Variants in DMD observed in about 807,000 individuals in gnomAD.
DMD encodes dystrophin.
DMD carries 63 observed loss-of-function variants against 330.1 expected under a neutral mutation model. That is an observed-to-expected ratio of 0.19 (90% CI 0.16 to 0.24). The LOEUF (loss-of-function observed/expected upper bound fraction) is 0.24, where lower values mean the gene tolerates loss of function less well. Ranked by LOEUF, DMD falls within the 10% of genes least tolerant of loss-of-function variation. The pLI, the probability that DMD is intolerant of heterozygous loss-of-function variation, is 1.00. For missense variants in DMD, 3,344 were observed against 2,684.1 expected (o/e 1.25, Z -5.43); for synonymous variants, 1,223 against 959.8 (o/e 1.27, Z -5.07).
At chrX:32,930,953 CTATTA>C (rs1296650800) in intron 2 of DMD, among the ~76,000 whole-genome samples, 1 of 106,877 alleles carries the variant, frequency 9.4e-6, no homozygotes, top group Non-Finnish European at 1.9e-5. Context: ...ATATATTTTT[CTATTA>C]TATGATTCAT....
rs751074932 is a variant in DMD at position 31,562,174 on chromosome X, G to A, written c.8218-54721C>T. On this transcript the variant is annotated intron_variant, in intron 55 of 78. Transcript: ENST00000357033. ...TAGACTAAATAATAATTCATTCTGG[G>A]ATGCCCAAATAATTCCATAACATAT... 7.5e-4 allele frequency among the ~76,000 whole-genome samples: 84 copies of A among 112,071 alleles called. 1 individual carries two copies. Among genetic ancestry groups the A allele is most frequent in the Non-Finnish European group, 1.7e-4 (9 of 53,143 alleles).
intron 37 of DMD, among the ~76,000 whole-genome samples, chrX:32,353,039 C>T (rs190155717): frequency 2.3e-4 from 25 of 110,723 alleles, no homozygotes; most frequent in Middle Eastern, 4.6e-3. Context: ...AGTTTTAGAA[C>T]TACCTATATA....
chrX:33,109,643 T>C (rs1471346831), intron 1 of DMD, among the ~76,000 whole-genome samples: 1 of 111,845 alleles, frequency 8.9e-6, no homozygotes, highest in Non-Finnish European at 1.9e-5. Flanking sequence ...TAGCCAATTA[T>C]GGCCCACAGG....
chrX:33,306,236 A>G (rs906418429), intron 1 of DMD, among the ~76,000 whole-genome samples: 1 of 111,840 alleles, frequency 8.9e-6, no homozygotes, highest in African/African-American at 3.2e-5. Flanking sequence ...CTGCTTGAAT[A>G]CTTACTATGA....
At chrX:32,497,253 G>C (rs1209507588) in intron 19 of DMD, among the ~76,000 whole-genome samples, 2 of 112,169 alleles carry the variant, frequency 1.8e-5, no homozygotes, top group African/African-American at 6.5e-5. Context: ...TTATCATTCT[G>C]TGCCATTTAA....
At chrX:31,434,775 T>C (rs1043797828) in intron 60 of DMD, among the ~76,000 whole-genome samples, 2 of 111,769 alleles carry the variant, frequency 1.8e-5, no homozygotes, top group African/African-American at 3.3e-5. Flanking sequence ...GATTCTAGTT[T>C]TTAGTCTGTG....
intron 54 of DMD, among the ~76,000 whole-genome samples, 198 bp downstream of exon 54, chrX:31,657,792 G>A (rs189300467): frequency 5.3e-4 from 59 of 111,289 alleles, no homozygotes; most frequent in African/African-American, 1.7e-3. Flanking sequence ...TTGTGACAGC[G>A]GGCAAATGAG....
At chrX:33,000,757 T>C (rs1310222212) in intron 2 of DMD, among the ~76,000 whole-genome samples, 1 of 112,274 alleles carries the variant, frequency 8.9e-6, no homozygotes, top group Non-Finnish European at 1.9e-5. Flanking sequence ...ATTTTTGTTT[T>C]ACATATAGTT....
chrX:32,545,926 T>A (rs749271866), intron 16 of DMD, among the ~76,000 whole-genome samples: 5 of 110,070 alleles, frequency 4.5e-5, no homozygotes, highest in Admixed American at 9.9e-5. Flanking sequence ...TATCTTTATG[T>A]TGAATGTTAT....
At chrX:32,431,626 T>C (rs1320128331) in intron 29 of DMD, among the ~76,000 whole-genome samples, 3 of 111,563 alleles carry the variant, frequency 2.7e-5, no homozygotes, top group Non-Finnish European at 3.8e-5. Context: ...TTTCAACTAA[T>C]ATGTTTATAT....
chrX:32,708,687 G>A (rs5972651), intron 7 of DMD, among the ~76,000 whole-genome samples: 2 of 111,388 alleles, frequency 1.8e-5, no homozygotes, highest in Non-Finnish European at 3.8e-5. Flanking sequence ...TTTATAATTA[G>A]AATGGCTCCA....
At position 32,411,034 on chromosome X, in the gene DMD, C is replaced by T. The variant is rs1422646050; in HGVS notation, c.4233+718G>A. Among the ~76,000 whole-genome samples the T allele has an allele frequency of 2.7e-5, 3 of 112,191 alleles. No homozygotes were observed. In the East Asian group the frequency reaches 8.4e-4, roughly 31 times the overall value. On this transcript the variant is annotated intron_variant, in intron 30 of 78. Coordinates refer to ENST00000357033, the MANE Select transcript of DMD (RefSeq NM_004006.3). Reference sequence around the variant, plus strand: ...ATTTTGTGTTACTCACTGCTTGTAACTAACACATTTTTATAAAACAATATA... The same window carrying T: ...ATTTTGTGTTACTCACTGCTTGTAATTAACACATTTTTATAAAACAATATA...
Position 32,045,344 on chromosome X carries a change from TTG to T in DMD, c.6439-76832_6439-76831del, listed in dbSNP as rs1189800000. 8.1e-4 allele frequency among the ~76,000 whole-genome samples: 83 copies of T among 102,427 alleles called. 1 individual carries two copies. Among genetic ancestry groups the T allele is most frequent in the African/African-American group, 2.7e-3 (71 of 26,120 alleles). 88.9% of individuals were successfully genotyped at this position (102,427 alleles called of 115,157 possible). A position where few individuals can be genotyped will look rare whatever the true frequency, so the allele number is the denominator to read the frequency against. On this transcript the variant is annotated intron_variant, in intron 44 of 78. Coordinates refer to ENST00000357033, the MANE Select transcript of DMD (RefSeq NM_004006.3). ...CAGCTGAGTTCTTGAGCGATCTGTT[TTG>T]TTTTTTTTTTTTTTAAATGTGTGGC...
chrX:32,766,585 G>GT lies in DMD; in HGVS notation c.649+42907dup, dbSNP rs767724250. On this transcript the variant is annotated intron_variant, in intron 7 of 78. Transcript: ENST00000357033. ...GTGCTTAATTTATTAGTTCTAGCAG[G>GT]TTTTTTGTGTGGAAATCTCTAGAAT... Among the ~76,000 whole-genome samples the GT allele has an allele frequency of 1.6e-3, 177 of 110,980 alleles. 2 individuals carry two copies. The highest frequency in any genetic ancestry group is 5.6e-3 in the African/African-American group (171 of 30,679).
intron 2 of DMD, among the ~76,000 whole-genome samples, chrX:32,950,630 T>A (rs2091190555): frequency 9.0e-6 from 1 of 111,638 alleles, no homozygotes. Flanking sequence ...TAATTGGCCT[T>A]ACCCTTCTGA....
At chrX:31,277,039 A>C (rs1053078134) in intron 62 of DMD, among the ~76,000 whole-genome samples, 1 of 109,682 alleles carries the variant, frequency 9.1e-6, no homozygotes, top group African/African-American at 3.4e-5. Context: ...AGTTTAAGCC[A>C]TTTTTTCTTT....
At chrX:31,613,730 C>G (rs1471429666) in intron 55 of DMD, among the ~76,000 whole-genome samples, 28 of 111,013 alleles carry the variant, frequency 2.5e-4, no homozygotes, top group Non-Finnish European at 4.5e-4. Flanking sequence ...GGCTAGGTCT[C>G]TCTGTCCTCC....
intron 62 of DMD, among the ~76,000 whole-genome samples, chrX:31,286,926 C>T (rs1217859638): frequency 1.8e-5 from 2 of 111,906 alleles, no homozygotes; most frequent in Non-Finnish European, 3.8e-5. Context: ...CCGCCATGCC[C>T]GGCTAAGTTT....
intron 44 of DMD, among the ~76,000 whole-genome samples, chrX:32,027,002 G>A (rs1031109289): frequency 1.8e-5 from 2 of 111,290 alleles, no homozygotes; most frequent in Admixed American, 1.9e-4. Flanking sequence ...CTAGATGCCA[G>A]TGGGGCTGGG....
Sources: allele counts gnomAD v4.1 joint callset (sites outside exome capture counted in the v4.1 genomes callset), GRCh38; gene constraint gnomAD v4.1.1; transcripts MANE v1.5; gene names NCBI Gene and HGNC (gene_info 2026-07-23, HGNC 2026-07-21).